Variants in RAMP1 observed in about 807,000 individuals in gnomAD.
RAMP1 encodes the protein receptor activity modifying protein 1.
RAMP1 carries 7 observed loss-of-function variants against 8.2 expected under a neutral mutation model. The observed-to-expected ratio is 0.85, with a 90% CI of 0.49 to 1.60. The LOEUF is 1.60. Among genes scored for constraint, RAMP1 ranks in the 40% most tolerant of loss-of-function variants. The pLI, the probability that RAMP1 is intolerant of heterozygous loss-of-function variation, is 0.00. For missense variants in RAMP1, 192 were observed against 202.4 expected (o/e 0.95, Z 0.31); for synonymous variants, 92 against 84.7 (o/e 1.09, Z -0.47).
chr2:237,912,024 TGGAA>T lies in RAMP1; in HGVS notation c.*242_*245del, dbSNP rs2151026422. On this transcript the variant is annotated 3_prime_UTR_variant, in exon 3 of 3. Transcript: ENST00000254661. ...CAGGGACGTGACCTTGACTTACCTCTGGAAAGGGTCCCAGCCTAGACTGCTTACC... is the reference window on the plus strand; with the variant it reads ...CAGGGACGTGACCTTGACTTACCTCTAGGGTCCCAGCCTAGACTGCTTACC... The T allele has an allele frequency of 1.6e-6, 1 of 620,020 alleles. No homozygotes were observed. Among genetic ancestry groups the T allele is most frequent in the South Asian group, 2.1e-5 (1 of 47,104 alleles). 38.4% of individuals were successfully genotyped at this position (620,020 alleles called of 1,614,324 possible). A position where few individuals can be genotyped will look rare whatever the true frequency, so the allele number is the denominator to read the frequency against.
chr2:237,880,338 C>T (rs2062356194), intron 2 of RAMP1, among the ~76,000 whole-genome samples: 1 of 152,308 alleles, frequency 6.6e-6, no homozygotes, highest in South Asian at 2.1e-4. Context: ...TTCGACATTG[C>T]CCCTGGCTGT....
At chr2:237,876,170 C>T (rs1440041693) in intron 1 of RAMP1, among the ~76,000 whole-genome samples, 1 of 152,202 alleles carries the variant, frequency 6.6e-6, no homozygotes, top group Non-Finnish European at 1.5e-5. Context: ...CCCTCGAGCT[C>T]ACACCCACCC....
chr2:237,874,115 G>A (rs962004586), intron 1 of RAMP1, among the ~76,000 whole-genome samples: 14 of 152,340 alleles, frequency 9.2e-5, no homozygotes, highest in Admixed American at 2.0e-4. Flanking sequence ...CAAGGCCACC[G>A]GACCAGCCCT....
intron 2 of RAMP1, among the ~76,000 whole-genome samples, chr2:237,899,769 A>G (rs1349490291): frequency 6.6e-6 from 1 of 152,218 alleles, no homozygotes; most frequent in African/African-American, 2.4e-5. Flanking sequence ...GAAGCTGCAC[A>G]TCTTTTTCTT....
At position 237,878,635 on chromosome 2, in the gene RAMP1, T is replaced by C. The variant is rs144497846; in HGVS notation, c.191+1273T>C. On this transcript the variant is annotated intron_variant, in intron 2 of 2. Coordinates refer to ENST00000254661, the MANE Select transcript of RAMP1 (RefSeq NM_005855.4). The surrounding 1 kb of genome is among the most constrained non-coding windows in gnomAD (Gnocchi z 5.7). ...GAGATTGGCAGATGAGTGGCCTCTG[T>C]TTTCTCCTCCCACCGGCCATGTGCT... Among the ~76,000 whole-genome samples, 462 of 152,260 alleles carry C rather than the reference T, an allele frequency of 3.0e-3. 2 individuals are homozygous for C. The highest frequency in any genetic ancestry group is 0.011 in the African/African-American group (443 of 41,534).
chr2:237,881,266 T>C (rs1400915972), intron 2 of RAMP1, among the ~76,000 whole-genome samples: 1 of 152,186 alleles, frequency 6.6e-6, no homozygotes, highest in Non-Finnish European at 1.5e-5. Context: ...TTTACAGCTG[T>C]ATAGTACTCC....
chr2:237,904,258 A>C (rs1385171320), intron 2 of RAMP1, among the ~76,000 whole-genome samples: 4 of 22,930 alleles, frequency 1.7e-4, no homozygotes, highest in Non-Finnish European at 4.3e-4. Context: ...CTAAAAATAC[A>C]AAAAAAAAAA....
rs1355559517 is a variant in RAMP1, at chr2:237,865,489, GCCTCAAAAACCAC to G, written c.52+5764_52+5776del. ...CTGTCTCATACAGTATCGGGAACAT[GCCTCAAAAACCAC>G]CGTTTCTCTGAGATGCAGATTTCGC... On this transcript the variant is annotated intron_variant, in intron 1 of 2. Coordinates refer to ENST00000254661, the MANE Select transcript of RAMP1 (RefSeq NM_005855.4). The surrounding 1 kb of genome is among the most constrained non-coding windows in gnomAD (Gnocchi z 4.2). Among the ~76,000 whole-genome samples, 1 of 152,110 alleles carries G rather than the reference GCCTCAAAAACCAC, an allele frequency of 6.6e-6. No homozygotes were observed. The highest frequency in any genetic ancestry group is 2.4e-5 in the African/African-American group (1 of 41,404).
chr2:237,884,524 C>G lies in RAMP1; in HGVS notation c.191+7162C>G, dbSNP rs1243080535. Among the ~76,000 whole-genome samples, 5 of 152,096 alleles carry G rather than the reference C, an allele frequency of 3.3e-5. No homozygotes were observed. The East Asian group carries it at 5.8e-4, about 18-fold the overall frequency. ...AAAAGCCTCACGTCAGATTTCCTCA[C>G]CTAAATAAGAAATGCTCGGTTGATT... On this transcript the variant is annotated intron_variant, in intron 2 of 2. Transcript: ENST00000254661.
chr2:237,907,729 G>A (rs567812829), intron 2 of RAMP1, among the ~76,000 whole-genome samples: 106 of 152,192 alleles, frequency 7.0e-4, no homozygotes, highest in Middle Eastern at 3.4e-3. Flanking sequence ...CACTAGACCC[G>A]TTGTCATACT....
chr2:237,864,408 C>T (rs1412865585), intron 1 of RAMP1, among the ~76,000 whole-genome samples: 1 of 152,252 alleles, frequency 6.6e-6, no homozygotes, highest in Non-Finnish European at 1.5e-5. Context: ...CTTCAATGGA[C>T]ACTTGGTGAC....
intron 1 of RAMP1, 82 bp downstream of exon 1, chr2:237,859,809 GGA>G: frequency 8.7e-7 from 1 of 1,143,536 alleles, no homozygotes; most frequent in Non-Finnish European, 1.2e-6. Context: ...GGAGCGGGTG[GGA>G]GCGGGTGGGA....
intron 2 of RAMP1, among the ~76,000 whole-genome samples, chr2:237,885,259 GTCC>G (rs563581217): frequency 2.6e-3 from 389 of 152,324 alleles, no homozygotes; most frequent in African/African-American, 8.5e-3. Flanking sequence ...AGGGCAGGGT[GTCC>G]TCCTGGATTT....
intron 2 of RAMP1, among the ~76,000 whole-genome samples, chr2:237,902,926 G>A (rs1176113052): frequency 6.6e-6 from 1 of 152,246 alleles, no homozygotes; most frequent in Admixed American, 6.5e-5. Flanking sequence ...GATCACTCCT[G>A]TGACATTCTG....
intron 2 of RAMP1, among the ~76,000 whole-genome samples, chr2:237,900,846 T>C (rs2062590052): frequency 6.6e-6 from 1 of 152,218 alleles, no homozygotes; most frequent in South Asian, 2.1e-4. Flanking sequence ...ACTCTGGGGA[T>C]TTGATGAGTC....
At chr2:237,908,489 T>G (rs539116166) in intron 2 of RAMP1, among the ~76,000 whole-genome samples, 2 of 152,006 alleles carry the variant, frequency 1.3e-5, no homozygotes, top group South Asian at 4.2e-4. Context: ...TGCAGTGGCA[T>G]GATCTCGGCA....
chr2:237,877,467 C>CCTT lies in RAMP1; in HGVS notation c.191+106_191+107insTTC. ...GAGCTGTGGAAGATCCTTTCTAGAC[C>CCTT]CCGGAAGGGTTCTTCCCCCAGTGGG... On this transcript the variant is annotated intron_variant, in intron 2 of 2. Coordinates refer to ENST00000254661, the MANE Select transcript of RAMP1 (RefSeq NM_005855.4). The surrounding 1 kb of genome is among the most constrained non-coding windows in gnomAD (Gnocchi z 4.4). 1.4e-6 allele frequency: 2 copies of CCTT among 1,445,866 alleles called. No individual in the cohort carries two copies. The highest frequency in any genetic ancestry group is 1.8e-6 in the Non-Finnish European group (2 of 1,084,294). 89.6% of individuals were successfully genotyped at this position (1,445,866 alleles called of 1,614,324 possible). A position where few individuals can be genotyped will look rare whatever the true frequency, so the allele number is the denominator to read the frequency against.
chr2:237,889,712 C>A (rs1377272000), intron 2 of RAMP1, among the ~76,000 whole-genome samples: 1 of 152,170 alleles, frequency 6.6e-6, no homozygotes, highest in Non-Finnish European at 1.5e-5. Context: ...ATTGCAGCCC[C>A]GACCTCCTGG....
intron 2 of RAMP1, among the ~76,000 whole-genome samples, chr2:237,886,161 G>A (rs1011885608): frequency 6.6e-6 from 1 of 152,136 alleles, no homozygotes; most frequent in East Asian, 1.9e-4. Flanking sequence ...GCTGTCCAGG[G>A]CTGGGCAGAG....
Sources: allele counts gnomAD v4.1 joint callset (sites outside exome capture counted in the v4.1 genomes callset), GRCh38; gene constraint gnomAD v4.1.1; non-coding constraint Gnocchi (gnomAD v3.1); transcripts MANE v1.5; gene names NCBI Gene and HGNC (gene_info 2026-07-23, HGNC 2026-07-21).